Variants in DOCK7 observed in about 807,000 individuals in gnomAD.
The protein encoded by DOCK7 is dedicator of cytokinesis protein 7.
Under a neutral mutation model 271.0 loss-of-function variants are expected in DOCK7, and 138 were observed. The observed-to-expected ratio is 0.51, with a 90% CI of 0.44 to 0.59. DOCK7 has a LOEUF of 0.59. Among genes scored for constraint, DOCK7 ranks in the 20% least tolerant of loss-of-function variants. The probability of loss-of-function intolerance (pLI) is 0.00; values close to 1 mark genes in which losing one functional copy is unlikely to be tolerated. For missense variants in DOCK7, 2,066 were observed against 2,592.4 expected, an observed-to-expected ratio of 0.80 and a Z score of 4.41; for synonymous variants, 823 against 876.1, an observed-to-expected ratio of 0.94 and a Z score of 1.07.
chr1:62,652,233 G>A (rs1311486534), intron 4 of DOCK7, among the ~76,000 whole-genome samples: 1 of 152,118 alleles, frequency 6.6e-6, no homozygotes, highest in Non-Finnish European at 1.5e-5. Context: ...TGAAGCTTTT[G>A]CATGTATCTT....
chr1:62,647,722 G>T lies in DOCK7; in HGVS notation c.787C>A (p.Gln263Lys). 6.2e-7 allele frequency: 1 copy of T among 1,608,100 alleles called. No individual in the cohort carries two copies. Among genetic ancestry groups the T allele is most frequent in the South Asian group, 1.1e-5 (1 of 89,562 alleles). ...VPDIPKEHFGQRLLVKCLSLK... is the reference protein window; with the variant it reads ...VPDIPKEHFGKRLLVKCLSLK... Reference sequence around the variant, plus strand: ...GATAAGCATTTTACAAGAAGTCTTTGACCAAAATGTTCTTTGGGTATATCA... The same window carrying T: ...GATAAGCATTTTACAAGAAGTCTTTTACCAAAATGTTCTTTGGGTATATCA... Residue 263 changes from glutamine (Q) to lysine (K), a missense_variant, in exon 7 of 50, where the codon CAA (glutamine) becomes AAA (lysine). Gln to Lys is a moderately conservative substitution (Grantham distance 53, BLOSUM62 1). Coordinates refer to ENST00000635253, the MANE Select transcript of DOCK7 (RefSeq NM_001367561.1).
chr1:62,632,700 G>C (rs1654771546), intron 10 of DOCK7, among the ~76,000 whole-genome samples: 1 of 152,048 alleles, frequency 6.6e-6, no homozygotes, highest in African/African-American at 2.4e-5. Flanking sequence ...AATTAGGCTG[G>C]GTATGGTGGC....
At chr1:62,627,042 T>C (rs768268303) in intron 11 of DOCK7, among the ~76,000 whole-genome samples, 1 of 152,060 alleles carries the variant, frequency 6.6e-6, no homozygotes, top group Non-Finnish European at 1.5e-5. Flanking sequence ...TTACATGCCA[T>C]GACCAAGCAA....
intron 43 of DOCK7, chr1:62,484,450 A>C (rs1646233832): frequency 6.6e-6 from 1 of 152,158 alleles, no homozygotes; most frequent in Non-Finnish European, 1.5e-5. Flanking sequence ...GTACTTCTGA[A>C]TACAAATTCG....
chr1:62,679,454 G>GAA (rs1004808610), intron 1 of DOCK7, among the ~76,000 whole-genome samples: 2 of 151,952 alleles, frequency 1.3e-5, no homozygotes, highest in African/African-American at 4.8e-5. Flanking sequence ...AACCCAAAGG[G>GAA]AAAAAACAAT....
In DOCK7 at chr1:62,552,905, G is replaced by C. The variant is rs1645957060; in HGVS notation, c.2597-4C>G. The C allele has an allele frequency of 1.3e-6, 2 of 1,585,858 alleles. No homozygotes were observed. Among genetic ancestry groups the C allele is most frequent in the Non-Finnish European group, 1.7e-6 (2 of 1,164,848 alleles). ...GATCCTCCCAAACCCCCAGGACCTA[G>C]AGTTGTATATGAAATAGCACATAAT... On this transcript the variant is annotated splice_polypyrimidine_tract_variant and splice_region_variant and intron_variant, in intron 21 of 49. Transcript: ENST00000635253.
At chr1:62,662,168 C>T (rs1364370022) in intron 2 of DOCK7, among the ~76,000 whole-genome samples, 2 of 151,958 alleles carry the variant, frequency 1.3e-5, no homozygotes, top group African/African-American at 4.8e-5. Flanking sequence ...TTTTTAGTTT[C>T]CCACAGCATT....
At chr1:62,534,133 G>A (rs1050117855) in intron 29 of DOCK7, among the ~76,000 whole-genome samples, 2 of 152,058 alleles carry the variant, frequency 1.3e-5, no homozygotes, top group African/African-American at 4.8e-5. Context: ...CGAGCAGCTG[G>A]GATTACAGAC....
chr1:62,552,763 T>C lies in DOCK7; in HGVS notation c.2735A>G (p.Asp912Gly). ...CCCGATGATTGATCGAACTTCATCATCTGGTGACGTGGGAGTCCCAGATAT... is the reference window on the plus strand; with the variant it reads ...CCCGATGATTGATCGAACTTCATCACCTGGTGACGTGGGAGTCCCAGATAT... ...PDISGTPTSP[D>G]DEVRSIIGSK... Residue 912 changes from aspartate to glycine, a missense_variant, in exon 22 of 50, where the codon GAT becomes GGT. This residue lies in a region of DOCK7 where 1,414 missense variants were observed against 1,670.4 expected (regional missense o/e 0.85). Coordinates refer to ENST00000635253, the MANE Select transcript of DOCK7 (RefSeq NM_001367561.1). The C allele has an allele frequency of 1.9e-6, 3 of 1,613,180 alleles. No individual in the cohort carries two copies. The highest frequency in any genetic ancestry group is 1.7e-5 in the Admixed American group (1 of 59,886).
At chr1:62,535,440 C>G in intron 29 of DOCK7, 53 bp downstream of exon 29, 1 of 1,512,450 alleles carries the variant, frequency 6.6e-7, no homozygotes, top group South Asian at 1.2e-5. Context: ...ATACTTCTGT[C>G]CACTGTTCAA....
At chr1:62,596,063 T>C (rs1000406813) in intron 14 of DOCK7, among the ~76,000 whole-genome samples, 1 of 152,204 alleles carries the variant, frequency 6.6e-6, no homozygotes, top group East Asian at 1.9e-4. Flanking sequence ...TTAGGTAAGG[T>C]TGATTATATA....
At chr1:62,458,404 T>A (rs760557472) in intron 48 of DOCK7, 1 of 152,196 alleles carries the variant, frequency 6.6e-6, no homozygotes, top group Non-Finnish European at 1.5e-5. Context: ...TTGAAAATTA[T>A]CTGAAGGCAT....
intron 14 of DOCK7, among the ~76,000 whole-genome samples, chr1:62,592,545 T>TTA (rs1157015262): frequency 2.6e-5 from 4 of 152,048 alleles, no homozygotes; most frequent in Non-Finnish European, 4.4e-5. Context: ...CTATTGTTTG[T>TTA]TATATATATA....
At chr1:62,561,151 C>T (rs4329539) in intron 19 of DOCK7, among the ~76,000 whole-genome samples, 149,047 of 152,222 alleles carry the variant, frequency 0.98, 73,052 homozygotes, top group Middle Eastern at 1. Context: ...AGAGAAACTC[C>T]AATTCATAAG....
rs140125165 is a variant in DOCK7, at chr1:62,575,788, C to A, written c.2112+1474G>T. 5.0e-3 allele frequency among the ~76,000 whole-genome samples: 758 copies of A among 152,308 alleles called. 3 individuals are homozygous for A. The highest frequency in any genetic ancestry group is 0.017 in the African/African-American group (714 of 41,564). On this transcript the variant is annotated intron_variant, in intron 18 of 49. Coordinates refer to ENST00000635253, the MANE Select transcript of DOCK7 (RefSeq NM_001367561.1). ...TCCAAATTATCACCATATTCTTGATCTGTGAGCATATACAGTATGGTAGCT... is the reference window on the plus strand; with the variant it reads ...TCCAAATTATCACCATATTCTTGATATGTGAGCATATACAGTATGGTAGCT...
intron 1 of DOCK7, among the ~76,000 whole-genome samples, chr1:62,679,242 C>T (rs143097799): frequency 2.6e-4 from 40 of 152,022 alleles, no homozygotes; most frequent in African/African-American, 8.2e-4. Flanking sequence ...ATATTTCTTA[C>T]GACCCATAAA....
intron 18 of DOCK7, among the ~76,000 whole-genome samples, chr1:62,569,865 C>T (rs1159958307): frequency 6.6e-6 from 1 of 152,088 alleles, no homozygotes; most frequent in Non-Finnish European, 1.5e-5. Context: ...AGGCACATGC[C>T]ACCACGTCTG....
intron 11 of DOCK7, among the ~76,000 whole-genome samples, chr1:62,626,399 T>C (rs946423150): frequency 1.3e-5 from 2 of 149,054 alleles, no homozygotes; most frequent in African/African-American, 4.9e-5. Flanking sequence ...ATAAGGAAAA[T>C]AGAAACTATA....
At chr1:62,464,683 C>G (rs1001437638) in intron 48 of DOCK7, among the ~76,000 whole-genome samples, 3 of 151,660 alleles carry the variant, frequency 2.0e-5, no homozygotes, top group South Asian at 2.1e-4. Context: ...ATCCATCCCC[C>G]CTAAACAAAA....
Sources: gnomAD v4.1 joint callset for allele counts (sites outside exome capture counted in the v4.1 genomes callset) on GRCh38, gnomAD v4.1.1 for gene constraint, gnomAD v4.1.1 regional missense constraint, MANE v1.5 for transcripts, NCBI Gene and HGNC (gene_info 2026-07-23, HGNC 2026-07-21) for gene names.